MAP2K5: variants seen among roughly 807,000 people sequenced by gnomAD.
MAP2K5 encodes the protein mitogen-activated protein kinase kinase 5.
Under a neutral mutation model 83.1 loss-of-function variants are expected in MAP2K5, and 49 were observed. That is an observed-to-expected ratio of 0.59 (90% CI 0.47 to 0.75). The LOEUF (loss-of-function observed/expected upper bound fraction) is 0.75. Ranked by LOEUF, MAP2K5 falls within the 30% of genes least tolerant of loss-of-function variation. MAP2K5 has a pLI of 0.00. For synonymous variants in MAP2K5, 202 were observed against 191.8 expected (o/e 1.05, Z -0.44); for missense variants, 457 against 557.5 (o/e 0.82, Z 1.82).
At chr15:67,712,545 G>T (rs2088715927) in intron 16 of MAP2K5, among the ~76,000 whole-genome samples, 1 of 152,282 alleles carries the variant, frequency 6.6e-6, no homozygotes, top group Non-Finnish European at 1.5e-5. Context: ...AGAGAAAATA[G>T]TGCACTCAGA....
intron 21 of MAP2K5, among the ~76,000 whole-genome samples, chr15:67,806,261 G>A (rs773608462): frequency 3.9e-5 from 6 of 152,248 alleles, no homozygotes; most frequent in African/African-American, 9.6e-5. Context: ...CAACTGAACC[G>A]GAAAGCTGGC....
rs530955836 is a variant in MAP2K5, at chr15:67,793,331, T to A, written c.1243-13315T>A. On this transcript the variant is annotated intron_variant, in intron 21 of 21. Transcript: ENST00000178640. The surrounding 1 kb of genome is among the most constrained non-coding windows in gnomAD (Gnocchi z 4.6). ...GCTCATTATTATGGACATTGTCTAT[T>A]TGCCATGTTCTATACCAGTATCTCC... Among the ~76,000 whole-genome samples, 45 of 152,336 alleles carry A rather than the reference T, an allele frequency of 3.0e-4. No individual in the cohort carries two copies. In the South Asian group the frequency reaches 9.1e-3, roughly 31 times the overall value.
At chr15:67,686,892 AT>A (rs879766329) in intron 13 of MAP2K5, among the ~76,000 whole-genome samples, 4 of 151,476 alleles carry the variant, frequency 2.6e-5, no homozygotes, top group East Asian at 1.9e-4. Flanking sequence ...AGGTTTAATG[AT>A]TTTTTTTTGA....
chr15:67,633,165 C>T (rs1257501759), intron 9 of MAP2K5, among the ~76,000 whole-genome samples: 2 of 152,208 alleles, frequency 1.3e-5, no homozygotes, highest in African/African-American at 2.4e-5. Flanking sequence ...TGTTGTACAC[C>T]TTGGCATTGG....
At position 67,806,762 on chromosome 15, in the gene MAP2K5, G is replaced by A; in HGVS notation, c.*12G>A. The A allele has an allele frequency of 5.7e-6, 9 of 1,566,556 alleles. No individual in the cohort carries two copies. The highest frequency in any genetic ancestry group is 7.8e-6 in the Non-Finnish European group (9 of 1,159,878). On this transcript the variant is annotated 3_prime_UTR_variant, in exon 22 of 22. Transcript: ENST00000178640. ...AGGGGCCCCCGTGAGGCTGCCGCAG[G>A]GCACTGAAAGCCCAGGACCAGTAAC...
Position 67,600,707 on chromosome 15 carries a change from A to T in MAP2K5, c.503A>T (p.Tyr168Phe). 1 of 1,610,046 alleles carries T rather than the reference A, an allele frequency of 6.2e-7. No individual in the cohort carries two copies. Residue 168 changes from tyrosine to phenylalanine, a missense_variant, in exon 8 of 22, where the codon TAT becomes TTT. Transcript: ENST00000178640. ...NGQMNEQDIRYRDTLGHGNGG... is the reference protein window; with the variant it reads ...NGQMNEQDIRFRDTLGHGNGG... ...GAGATGAATGAACAAGACATACGAT[A>T]TCGGGACACTCTTGGTCATGGCAAC...
chr15:67,780,154 T>G lies in MAP2K5; in HGVS notation c.1242+7402T>G, dbSNP rs2090305409. Among the ~76,000 whole-genome samples the G allele has an allele frequency of 6.6e-6, 1 of 152,210 alleles. No homozygotes were observed. The highest frequency in any genetic ancestry group is 1.5e-5 in the Non-Finnish European group (1 of 68,046). On this transcript the variant is annotated intron_variant, in intron 21 of 21. Coordinates refer to ENST00000178640, the MANE Select transcript of MAP2K5 (RefSeq NM_145160.3). The surrounding 1 kb of genome is among the most constrained non-coding windows in gnomAD (Gnocchi z 5.0). ...TATGGCCACAAGTTAGTCCATGTAG[T>G]ACAGCGGCTCTCAACACTAGCAGCT...
intron 7 of MAP2K5, among the ~76,000 whole-genome samples, chr15:67,596,633 C>A (rs2085533155): frequency 1.3e-5 from 2 of 152,242 alleles, no homozygotes; most frequent in South Asian, 4.1e-4. Flanking sequence ...CCTCCTTTAC[C>A]CACACAAACC....
intron 8 of MAP2K5, among the ~76,000 whole-genome samples, chr15:67,619,198 C>T (rs536126484): frequency 6.6e-6 from 1 of 152,282 alleles, no homozygotes; most frequent in East Asian, 1.9e-4. Flanking sequence ...CACATGTAAC[C>T]TGAAAAGAGA....
intron 4 of MAP2K5, among the ~76,000 whole-genome samples, chr15:67,585,265 G>A (rs2085265464): frequency 6.6e-6 from 1 of 152,138 alleles, no homozygotes; most frequent in Non-Finnish European, 1.5e-5. Context: ...GTACTAACCT[G>A]TAACTCAAGA....
intron 19 of MAP2K5, among the ~76,000 whole-genome samples, chr15:67,759,490 G>C: frequency 6.6e-6 from 1 of 151,634 alleles, no homozygotes; most frequent in Non-Finnish European, 1.5e-5. Context: ...AACCTGGGAG[G>C]TGGAGGTTCC....
At chr15:67,549,771 T>A (rs915720983) in intron 1 of MAP2K5, among the ~76,000 whole-genome samples, 2 of 152,234 alleles carry the variant, frequency 1.3e-5, no homozygotes, top group Non-Finnish European at 2.9e-5. Context: ...ACGGTTTATT[T>A]GTATATAGAC....
At chr15:67,700,018 T>A (rs988049840) in intron 15 of MAP2K5, among the ~76,000 whole-genome samples, 1 of 151,800 alleles carries the variant, frequency 6.6e-6, no homozygotes, top group African/African-American at 2.4e-5. Context: ...ATATTTTGAC[T>A]ATACACTAGC....
In MAP2K5 at chr15:67,769,634, G is replaced by T; in HGVS notation, c.1167G>T (p.Ser389=). The T allele has an allele frequency of 6.2e-7, 1 of 1,613,660 alleles. No homozygotes were observed. Among genetic ancestry groups the T allele is most frequent in the Non-Finnish European group, 8.5e-7 (1 of 1,179,744 alleles). The change falls in exon 20 of 22, where the codon TCG becomes TCT. Residue 389 remains serine, a synonymous_variant. Transcript: ENST00000178640. The surrounding 1 kb of genome is among the most constrained non-coding windows in gnomAD (Gnocchi z 5.2). ...CCGTCCTTCCAGTTGGAGAGTTCTC[G>T]GAGCCATTTGTACATTTCATCACTC... ...DSPVLPVGEF[S]EPFVHFITQC...
At chr15:67,582,268 G>C (rs995655831) in intron 4 of MAP2K5, among the ~76,000 whole-genome samples, 1 of 151,908 alleles carries the variant, frequency 6.6e-6, no homozygotes, top group African/African-American at 2.4e-5. Flanking sequence ...TACCATGTTG[G>C]CCAGGATGGT....
intron 13 of MAP2K5, among the ~76,000 whole-genome samples, chr15:67,673,261 G>T (rs1008389125): frequency 6.6e-6 from 1 of 151,926 alleles, no homozygotes; most frequent in African/African-American, 2.4e-5. Context: ...GCAAAAAAAT[G>T]CACAAGACAG....
At chr15:67,632,317 C>T (rs1010631586) in intron 9 of MAP2K5, among the ~76,000 whole-genome samples, 3 of 152,140 alleles carry the variant, frequency 2.0e-5, no homozygotes, top group South Asian at 2.1e-4. Context: ...CCAAGCTGGT[C>T]ATGAACTCCT....
In MAP2K5 at chr15:67,543,088, G is replaced by A. The variant is rs560488045; in HGVS notation, c.-248G>A. 13 of 544,734 alleles carry A rather than the reference G, an allele frequency of 2.4e-5. No individual in the cohort carries two copies. The highest frequency in any genetic ancestry group is 4.3e-5 in the Non-Finnish European group (13 of 302,622). The allele number at this position is 544,734 out of a possible 1,614,324, so 33.7% of individuals were successfully genotyped here. On this transcript the variant is annotated 5_prime_UTR_variant, in exon 1 of 22. Coordinates refer to ENST00000178640, the MANE Select transcript of MAP2K5 (RefSeq NM_145160.3). This position sits in a 1 kb window ranked among gnomAD's most constrained non-coding sequence, Gnocchi z 4.3. Reference sequence around the variant, plus strand: ...TTCCGACCTCCGCTAGTTCCTGCGGGCCTTTGCCCGCTTCCCGGTGCACCC... The same window carrying A: ...TTCCGACCTCCGCTAGTTCCTGCGGACCTTTGCCCGCTTCCCGGTGCACCC...
Position 67,559,565 on chromosome 15 carries a change from T to G in MAP2K5, c.185-3718T>G, listed in dbSNP as rs765445103. On this transcript the variant is annotated intron_variant, in intron 2 of 21. Transcript: ENST00000178640. This position sits in a 1 kb window ranked among gnomAD's most constrained non-coding sequence, Gnocchi z 4.7. ...TGTATATTTGTGACACACTGCAGAT[T>G]TTGTGAAGATTGCTTCATAATATTG... Among the ~76,000 whole-genome samples, 6 of 152,202 alleles carry G rather than the reference T, an allele frequency of 3.9e-5. No homozygotes were observed. Among genetic ancestry groups the G allele is most frequent in the Non-Finnish European group, 8.8e-5 (6 of 68,040 alleles).
Sources: gnomAD v4.1 joint callset for allele counts (sites outside exome capture counted in the v4.1 genomes callset) on GRCh38, gnomAD v4.1.1 for gene constraint, Gnocchi (gnomAD v3.1) non-coding constraint, MANE v1.5 for transcripts, NCBI Gene and HGNC (gene_info 2026-07-23, HGNC 2026-07-21) for gene names.